The following VPS13B variants were observed in gnomAD, a reference collection of about 807,000 sequenced individuals.
VPS13B encodes vacuolar protein sorting 13 homolog B.
A neutral mutation model predicts 426.4 loss-of-function variants in VPS13B; 285 were observed. That is an observed-to-expected ratio of 0.67 (90% confidence interval 0.61 to 0.74). The LOEUF is 0.74. Among genes scored for constraint, VPS13B ranks in the 30% least tolerant of loss-of-function variants. The probability of loss-of-function intolerance (pLI) is 0.00; values close to 1 mark genes in which losing one functional copy is unlikely to be tolerated. For missense variants in VPS13B, 4,537 were observed against 4,782.6 expected (o/e 0.95, Z 1.51); for synonymous variants, 1,676 against 1,676.4 (o/e 1.00, Z 0.01).
intron 51 of VPS13B, among the ~76,000 whole-genome samples, chr8:99,831,143 G>C (rs944406980): frequency 2.0e-5 from 3 of 148,430 alleles, no homozygotes; most frequent in Non-Finnish European, 3.0e-5. Context: ...CATGATCTTG[G>C]CTCACTTCAA....
intron 39 of VPS13B, among the ~76,000 whole-genome samples, chr8:99,738,994 C>T (rs889859942): frequency 1.3e-5 from 2 of 152,168 alleles, no homozygotes; most frequent in Admixed American, 6.5e-5. Context: ...GTGGGTGCAG[C>T]GCATTGAGCC....
At chr8:99,439,969 AAAT>A (rs1817601120) in intron 22 of VPS13B, among the ~76,000 whole-genome samples, 1 of 152,148 alleles carries the variant, frequency 6.6e-6, no homozygotes, top group African/African-American at 2.4e-5. Flanking sequence ...TCATTTATTA[AAAT>A]AAGAATAACA....
intron 3 of VPS13B, among the ~76,000 whole-genome samples, chr8:99,058,491 A>G (rs1844006447): frequency 6.6e-6 from 1 of 152,002 alleles, no homozygotes; most frequent in South Asian, 2.1e-4. Context: ...TAAATATGTG[A>G]TTCTCAGTAA....
chr8:99,232,188 G>A (rs1371907286), intron 17 of VPS13B, among the ~76,000 whole-genome samples: 2 of 152,078 alleles, frequency 1.3e-5, no homozygotes, highest in Non-Finnish European at 2.9e-5. Context: ...AGATGGAGAA[G>A]TAGGGGAGGG....
chr8:99,377,415 A>G (rs1488910549), intron 19 of VPS13B, among the ~76,000 whole-genome samples: 1 of 152,174 alleles, frequency 6.6e-6, no homozygotes, highest in Non-Finnish European at 1.5e-5. Context: ...CTTGTTATGT[A>G]TCTTCCATTT....
intron 17 of VPS13B, among the ~76,000 whole-genome samples, chr8:99,203,046 CAAAAA>C (rs55927083): frequency 5.1e-5 from 7 of 136,536 alleles, no homozygotes; most frequent in Admixed American, 7.6e-5. Context: ...GAGACTGTCT[CAAAAA>C]AAAAAAAAAA....
At chr8:99,709,526 T>G (rs1461716245) in intron 36 of VPS13B, among the ~76,000 whole-genome samples, 1 of 152,234 alleles carries the variant, frequency 6.6e-6, no homozygotes, top group Non-Finnish European at 1.5e-5. Context: ...TTGGTTCTGT[T>G]TATCGTACCA....
intron 30 of VPS13B, among the ~76,000 whole-genome samples, chr8:99,552,808 G>A (rs1054307435): frequency 2.0e-5 from 3 of 152,042 alleles, no homozygotes; most frequent in Non-Finnish European, 4.4e-5. Flanking sequence ...TCAAGACCAG[G>A]AAGTTGACAT....
chr8:99,587,236 G>A (rs1028352155), intron 33 of VPS13B, among the ~76,000 whole-genome samples: 2 of 152,108 alleles, frequency 1.3e-5, no homozygotes, highest in African/African-American at 4.8e-5. Context: ...TGGACATTTG[G>A]GTTGGTTCCA....
At chr8:99,429,184 G>A (rs967697139) in intron 21 of VPS13B, among the ~76,000 whole-genome samples, 1 of 151,458 alleles carries the variant, frequency 6.6e-6, no homozygotes, top group African/African-American at 2.4e-5. Flanking sequence ...AATGTTAAAT[G>A]AAGAGTTAAT....
At chr8:99,063,878 G>T (rs905573032) in intron 3 of VPS13B, among the ~76,000 whole-genome samples, 1 of 152,166 alleles carries the variant, frequency 6.6e-6, no homozygotes, top group Non-Finnish European at 1.5e-5. Context: ...TCCAGAGGAA[G>T]GATCAGGCAG....
intron 19 of VPS13B, among the ~76,000 whole-genome samples, chr8:99,305,088 C>A (rs553910758): frequency 6.6e-6 from 1 of 152,206 alleles, no homozygotes; most frequent in South Asian, 2.1e-4. Context: ...ACTTTATTAT[C>A]TCCATTTTAT....
rs1448919646 is a variant in VPS13B, at chr8:99,135,746, A to G, written c.1563+13A>G. 4 of 1,612,876 alleles carry G rather than the reference A, an allele frequency of 2.5e-6. No homozygotes were observed. The highest frequency in any genetic ancestry group is 4.5e-5 in the East Asian group (2 of 44,780). ...AACTCATCATAAGGTTAGAGAATAT[A>G]TATTTGAACCAAATTCTAGGCTGTG... On this transcript the variant is annotated intron_variant, in intron 11 of 61. Coordinates refer to ENST00000357162, the MANE Select transcript of VPS13B (RefSeq NM_152564.5).
intron 44 of VPS13B, among the ~76,000 whole-genome samples, chr8:99,812,378 A>T (rs1813756366): frequency 6.6e-6 from 1 of 152,156 alleles, no homozygotes; most frequent in Non-Finnish European, 1.5e-5. Context: ...TGTCTCCCTC[A>T]CATCTTGGCT....
intron 19 of VPS13B, among the ~76,000 whole-genome samples, chr8:99,323,547 G>A (rs938238311): frequency 2.6e-5 from 4 of 152,108 alleles, no homozygotes; most frequent in Non-Finnish European, 5.9e-5. Context: ...GCACAACAAG[G>A]AATTGAACCA....
chr8:99,774,000 C>T (rs1375723880), intron 40 of VPS13B, among the ~76,000 whole-genome samples: 1 of 152,142 alleles, frequency 6.6e-6, no homozygotes, highest in Non-Finnish European at 1.5e-5. Context: ...GGTCATCACT[C>T]ATATTTATGA....
chr8:99,276,014 G>A (rs575027960), intron 19 of VPS13B, among the ~76,000 whole-genome samples: 23 of 152,244 alleles, frequency 1.5e-4, no homozygotes, highest in Admixed American at 1.2e-3. Flanking sequence ...GTTTCAAATA[G>A]CTGCTTTAGA....
intron 25 of VPS13B, among the ~76,000 whole-genome samples, chr8:99,497,075 G>A (rs1820925303): frequency 7.2e-6 from 1 of 139,062 alleles, no homozygotes; most frequent in African/African-American, 2.6e-5. Context: ...TAATTTATTT[G>A]TAATATATAT....
At chr8:99,308,213 G>A (rs1027227676) in intron 19 of VPS13B, among the ~76,000 whole-genome samples, 5 of 151,208 alleles carry the variant, frequency 3.3e-5, no homozygotes, top group Non-Finnish European at 7.4e-5. Flanking sequence ...AAGTTTTAGG[G>A]AACATGTGCA....
Sources: gnomAD v4.1 joint callset for allele counts (sites outside exome capture counted in the v4.1 genomes callset) on GRCh38, gnomAD v4.1.1 for gene constraint, MANE v1.5 for transcripts, NCBI Gene and HGNC (gene_info 2026-07-23, HGNC 2026-07-21) for gene names.